NEXMIF: variants seen among roughly 807,000 people sequenced by gnomAD.
NEXMIF encodes neurite extension and migration factor.
NEXMIF carries 8 observed loss-of-function variants against 62.1 expected under a neutral mutation model. The observed-to-expected ratio is 0.13, with a 90% CI of 0.08 to 0.23. The LOEUF (loss-of-function observed/expected upper bound fraction) is 0.23, where lower values mean the gene tolerates loss of function less well. NEXMIF is among the 10% of genes least tolerant of loss of function. The pLI is 1.00. For missense variants in NEXMIF, 976 were observed against 1,113.3 expected (o/e 0.88, Z 1.75); for synonymous variants, 404 against 416.6 (o/e 0.97, Z 0.37).
chrX:74,808,927 G>A (rs938866496), intron 1 of NEXMIF, among the ~76,000 whole-genome samples: 1 of 112,159 alleles, frequency 8.9e-6, no homozygotes, highest in African/African-American at 3.2e-5. Flanking sequence ...GTTGGAAACT[G>A]AATCTCCAAT....
intron 1 of NEXMIF, among the ~76,000 whole-genome samples, chrX:74,885,923 A>T (rs1023120565): frequency 1.8e-5 from 2 of 112,144 alleles, no homozygotes; most frequent in African/African-American, 3.2e-5. Context: ...AACCAAATCC[A>T]GCAACACATC....
chrX:74,885,202 C>G (rs1326613616), intron 1 of NEXMIF, among the ~76,000 whole-genome samples: 1 of 111,268 alleles, frequency 9.0e-6, no homozygotes, highest in African/African-American at 3.3e-5. Flanking sequence ...CAGGAAAGAT[C>G]TGAAATTGAC....
chrX:74,853,908 T>C (rs2080524773), intron 1 of NEXMIF, among the ~76,000 whole-genome samples: 1 of 111,586 alleles, frequency 9.0e-6, no homozygotes, highest in African/African-American at 3.3e-5. Flanking sequence ...CTTAACAGAC[T>C]AATAACGAAT....
chrX:74,869,362 T>C (rs1224935591), intron 1 of NEXMIF, among the ~76,000 whole-genome samples: 1 of 111,761 alleles, frequency 8.9e-6, no homozygotes, highest in East Asian at 2.8e-4. Context: ...CAAAAGTTAG[T>C]ATCATACTGA....
At chrX:74,825,165 A>G (rs1374048541) in intron 1 of NEXMIF, among the ~76,000 whole-genome samples, 5 of 110,982 alleles carry the variant, frequency 4.5e-5, no homozygotes, top group Non-Finnish European at 9.4e-5. Flanking sequence ...GCATTTTTTC[A>G]TATCTTTTCT....
chrX:74,885,014 A>C (rs1014926480), intron 1 of NEXMIF, among the ~76,000 whole-genome samples: 39 of 110,749 alleles, frequency 3.5e-4, no homozygotes, highest in African/African-American at 1.2e-3. Context: ...ACTCAACTAC[A>C]TGGAAACTGA....
At chrX:74,882,547 T>C (rs1288940316) in intron 1 of NEXMIF, among the ~76,000 whole-genome samples, 1 of 111,677 alleles carries the variant, frequency 9.0e-6, no homozygotes, top group Non-Finnish European at 1.9e-5. Context: ...CCTCACTCAT[T>C]GCTAGCACAG....
At chrX:74,769,685 A>T (rs1257304547) in intron 1 of NEXMIF, 1 of 720,401 alleles carries the variant, frequency 1.4e-6, no homozygotes, top group African/African-American at 2.1e-5. Context: ...AAAGCACAAG[A>T]ATTTGTTCTT....
At chrX:74,768,976 A>G (rs1198348470) in intron 1 of NEXMIF, among the ~76,000 whole-genome samples, 1 of 111,585 alleles carries the variant, frequency 9.0e-6, no homozygotes, top group Non-Finnish European at 1.9e-5. Flanking sequence ...CTTTGTATGG[A>G]CTCAAGTCAT....
intron 1 of NEXMIF, among the ~76,000 whole-genome samples, chrX:74,767,802 G>C (rs1211758424): frequency 2.7e-5 from 3 of 111,348 alleles, no homozygotes; most frequent in African/African-American, 9.8e-5. Flanking sequence ...ATGGTAGCTT[G>C]CCCTCCCTCT....
intron 1 of NEXMIF, among the ~76,000 whole-genome samples, chrX:74,864,568 C>T (rs1376159667): frequency 8.9e-6 from 1 of 112,192 alleles, no homozygotes; most frequent in Non-Finnish European, 1.9e-5. Context: ...GTCCACTACA[C>T]ATGTGCTCTT....
chrX:74,734,426 C>A lies in NEXMIF; in HGVS notation c.*4979G>T, dbSNP rs1352145734. ...TACTCTCCTCACTGGGAGTGAAAAA[C>A]AAAAGGCCTCTTCTAGTTTTCATTC... is the stretch of plus-strand genomic sequence containing the variant. On this transcript the variant is annotated 3_prime_UTR_variant, in exon 4 of 4. Coordinates refer to ENST00000055682, the MANE Select transcript of NEXMIF (RefSeq NM_001008537.3). The A allele has an allele frequency of 8.9e-6, 1 of 112,224 alleles. No individual in the cohort carries two copies. The highest frequency in any genetic ancestry group is 1.9e-5 in the Non-Finnish European group (1 of 53,147). The allele number at this position is 112,224 out of a possible 1,213,427, so 9.2% of individuals were successfully genotyped here.
At chrX:74,869,908 G>A (rs868867800) in intron 1 of NEXMIF, among the ~76,000 whole-genome samples, 2 of 110,478 alleles carry the variant, frequency 1.8e-5, no homozygotes, top group African/African-American at 3.3e-5. Flanking sequence ...TAAATCTACA[G>A]ATCCAATGCA....
At chrX:74,858,978 AG>A (rs2080545457) in intron 1 of NEXMIF, among the ~76,000 whole-genome samples, 1 of 110,352 alleles carries the variant, frequency 9.1e-6, no homozygotes, top group Non-Finnish European at 1.9e-5. Flanking sequence ...AGTAGACAAA[AG>A]AAAAAAATAG....
chrX:74,913,254 T>A (rs1174332204), intron 1 of NEXMIF, among the ~76,000 whole-genome samples: 1 of 111,620 alleles, frequency 9.0e-6, no homozygotes, highest in Non-Finnish European at 1.9e-5. Flanking sequence ...AATATAATAA[T>A]CAAAACATAA....
chrX:74,847,710 C>A (rs2080497091), intron 1 of NEXMIF, among the ~76,000 whole-genome samples: 1 of 111,596 alleles, frequency 9.0e-6, no homozygotes, highest in Non-Finnish European at 1.9e-5. Flanking sequence ...GGCCTGTTGG[C>A]AAGGACATTT....
intron 1 of NEXMIF, among the ~76,000 whole-genome samples, chrX:74,880,944 C>T (rs1243085148): frequency 9.0e-6 from 1 of 111,131 alleles, no homozygotes. Context: ...GCCTAAACAA[C>T]GATCATGAAC....
intron 1 of NEXMIF, among the ~76,000 whole-genome samples, chrX:74,766,691 G>T (rs1426387251): frequency 8.9e-6 from 1 of 112,274 alleles, no homozygotes; most frequent in Non-Finnish European, 1.9e-5. Flanking sequence ...AAATCTGAAT[G>T]ATCTTTCCTA....
rs140223766 is a variant in NEXMIF at position 74,769,268 on chromosome X, A to G, written c.-47-23571T>C. Among the ~76,000 whole-genome samples the G allele has an allele frequency of 2.7e-5, 3 of 111,351 alleles. No individual in the cohort carries two copies. The East Asian group carries it at 8.5e-4, about 32-fold the overall frequency. ...GTTTCCTTTCAGAAGGCTCTGCCACATATCTCCAGGACTCGGTACAGAGTT... is the reference window on the plus strand; with the variant it reads ...GTTTCCTTTCAGAAGGCTCTGCCACGTATCTCCAGGACTCGGTACAGAGTT... On this transcript the variant is annotated intron_variant, in intron 1 of 3. Transcript: ENST00000055682.
Sources: gnomAD v4.1 joint callset for allele counts (sites outside exome capture counted in the v4.1 genomes callset) on GRCh38, gnomAD v4.1.1 for gene constraint, MANE v1.5 for transcripts, NCBI Gene and HGNC (gene_info 2026-07-23, HGNC 2026-07-21) for gene names.